Variants in KLB observed in about 807,000 individuals in gnomAD.
KLB encodes beta-klotho.
KLB carries 44 observed loss-of-function variants against 88.4 expected under a neutral mutation model. The ratio of observed to expected loss-of-function variants is 0.50; its 90% CI spans 0.39 to 0.64. The LOEUF is 0.64. Ranked by LOEUF, KLB falls within the 30% of genes least tolerant of loss-of-function variation. The probability of loss-of-function intolerance (pLI) is 0.00; values close to 1 mark genes in which losing one functional copy is unlikely to be tolerated. For synonymous variants in KLB, 548 were observed against 513.4 expected (o/e 1.07, Z -0.91); for missense variants, 1,137 against 1,304.8 (o/e 0.87, Z 1.98).
chr4:39,434,778 A>AG, intron 2 of KLB, 58 bp downstream of exon 2: 4 of 1,341,210 alleles, frequency 3.0e-6, no homozygotes, highest in Non-Finnish European at 4.1e-6. Context: ...GGATATTTAA[A>AG]GTCACCTTTG....
intron 1 of KLB, among the ~76,000 whole-genome samples, chr4:39,414,304 G>GAA (rs10582036): frequency 2.9e-5 from 4 of 137,688 alleles, no homozygotes; most frequent in African/African-American, 8.0e-5. Context: ...ACTGTTTTTA[G>GAA]AAAAAAAAAA....
rs1426260118 is a variant in KLB, at chr4:39,407,104, G to T, written c.155G>T (p.Gly52Val). ...SALILLRAVT[G>V]FSGDGRAIWS... ...CTTATTCTGCTACGAGCTGTTACTG[G>T]ATTCTCTGGAGATGGAAGAGCTATA... Residue 52 changes from glycine (G) to valine (V), a missense_variant, in exon 1 of 5, where the codon GGA (glycine) becomes GTA (valine). Around this residue, in one of 4 missense-constraint regions of KLB, gnomAD observed 111 missense variants for 118.3 expected, o/e 0.94. Coordinates refer to ENST00000257408, the MANE Select transcript of KLB (RefSeq NM_175737.4). The T allele has an allele frequency of 1.9e-6, 3 of 1,614,016 alleles. No homozygotes were observed. The African/African-American group carries it at 4.0e-5, about 22-fold the overall frequency.
At chr4:39,416,722 T>C (rs982350054) in intron 1 of KLB, among the ~76,000 whole-genome samples, 3 of 152,018 alleles carry the variant, frequency 2.0e-5, no homozygotes, top group Non-Finnish European at 2.9e-5. Context: ...AGAATTCAAG[T>C]TTAAAGCTAT....
intron 4 of KLB, 52 bp from the exon 5 acceptor site, chr4:39,448,249 A>G: frequency 2.2e-6 from 3 of 1,357,956 alleles, no homozygotes; most frequent in South Asian, 3.0e-5. Flanking sequence ...TTCTTCCTCA[A>G]AGATACTTCA....
intron 1 of KLB, among the ~76,000 whole-genome samples, chr4:39,408,246 T>C (rs1742769845): frequency 6.6e-6 from 1 of 152,200 alleles, no homozygotes; most frequent in South Asian, 2.1e-4. Flanking sequence ...AACTCATGCA[T>C]ATTAAATACA....
chr4:39,410,373 A>G (rs1742812320), intron 1 of KLB, among the ~76,000 whole-genome samples: 1 of 152,128 alleles, frequency 6.6e-6, no homozygotes, highest in Non-Finnish European at 1.5e-5. Context: ...GATAAATTTT[A>G]TTATTTTAAA....
At chr4:39,413,286 G>T (rs911081180) in intron 1 of KLB, among the ~76,000 whole-genome samples, 25 of 152,274 alleles carry the variant, frequency 1.6e-4, no homozygotes, top group Non-Finnish European at 2.6e-4. Flanking sequence ...ATAAATACAT[G>T]TAATAATTTA....
At position 39,407,018 on chromosome 4, in the gene KLB, C is replaced by T; in HGVS notation, c.69C>T (p.Thr23=). 6.2e-7 allele frequency: 1 copy of T among 1,614,100 alleles called. No homozygotes were observed. The highest frequency in any genetic ancestry group is 8.5e-7 in the Non-Finnish European group (1 of 1,179,992). ...TTTTCTTCAGCACTGATGAAATAAC[C>T]ACACGCTATAGGAATACAATGTCCA... ...EWIFFSTDEI[T]TRYRNTMSNG... is the part of the protein sequence containing the mutation. Residue 23 remains threonine, a synonymous_variant, in exon 1 of 5, where the codon ACC becomes ACT. Transcript: ENST00000257408.
intron 1 of KLB, among the ~76,000 whole-genome samples, chr4:39,413,726 GAAAA>G (rs200454222): frequency 1.4e-5 from 2 of 138,760 alleles, no homozygotes; most frequent in African/African-American, 5.2e-5. Flanking sequence ...CCTGTCTCAG[GAAAA>G]AAAAAAAATA....
chr4:39,448,566 C>A lies in KLB; in HGVS notation c.3015C>A (p.Phe1005Leu). The A allele has an allele frequency of 6.2e-7, 1 of 1,614,200 alleles. No homozygotes were observed. Among genetic ancestry groups the A allele is most frequent in the Non-Finnish European group, 8.5e-7 (1 of 1,180,038 alleles). ...TGATATTCCTGGGTTGTTGCTTCTT[C>A]TCCACCCTGGTTCTACTCTTATCAA... ...KPLIFLGCCFFSTLVLLLSIA... is the reference protein window; with the variant it reads ...KPLIFLGCCFLSTLVLLLSIA... The change falls in exon 5 of 5, where the codon TTC becomes TTA. Residue 1005 changes from phenylalanine to leucine, a missense_variant. By Grantham distance (22) the Phe-to-Leu change is conservative. Around this residue, in one of 4 missense-constraint regions of KLB, gnomAD observed 426 missense variants for 404.6 expected, o/e 1.05. Coordinates refer to ENST00000257408, the MANE Select transcript of KLB (RefSeq NM_175737.4).
Position 39,446,252 on chromosome 4 carries a change from T to C in KLB, c.1606-80T>C. On this transcript the variant is annotated intron_variant, in intron 3 of 4. Coordinates refer to ENST00000257408, the MANE Select transcript of KLB (RefSeq NM_175737.4). The surrounding 1 kb of genome is among the most constrained non-coding windows in gnomAD (Gnocchi z 6.4). ...CGTGGTGGCCTGTAATCCCAGCACTTTGGGAGGCAGAGGTAGGCAGATCAC... is the reference window on the plus strand; with the variant it reads ...CGTGGTGGCCTGTAATCCCAGCACTCTGGGAGGCAGAGGTAGGCAGATCAC... 2 of 1,329,322 alleles carry C rather than the reference T, an allele frequency of 1.5e-6. No individual in the cohort carries two copies. The highest frequency in any genetic ancestry group is 4.7e-5 in the East Asian group (2 of 42,720). The allele number at this position is 1,329,322 out of a possible 1,614,324, so 82.3% of individuals were successfully genotyped here.
chr4:39,448,740 T>C lies in KLB; in HGVS notation c.*54T>C. ...AAAAATTCATCCCAGTTCCATATGC[T>C]GGTAACTTACAGGAGATATACCTGT... On this transcript the variant is annotated 3_prime_UTR_variant, in exon 5 of 5. Transcript: ENST00000257408. 6.6e-7 allele frequency: 1 copy of C among 1,519,448 alleles called. No individual in the cohort carries two copies. The highest frequency in any genetic ancestry group is 8.9e-7 in the Non-Finnish European group (1 of 1,128,306). The allele number at this position is 1,519,448 out of a possible 1,614,324, so 94.1% of individuals were successfully genotyped here.
At chr4:39,442,440 T>G (rs1743629520) in intron 3 of KLB, among the ~76,000 whole-genome samples, 1 of 151,172 alleles carries the variant, frequency 6.6e-6, no homozygotes, top group South Asian at 2.1e-4. Context: ...CTCCCCTTTT[T>G]TTTTTTTTTT....
chr4:39,446,867 A>T lies in KLB; in HGVS notation c.2141A>T (p.Asn714Ile), dbSNP rs762482750. 7.9e-5 allele frequency: 127 copies of T among 1,610,162 alleles called. No homozygotes were observed. The highest frequency in any genetic ancestry group is 3.4e-6 in the Non-Finnish European group (4 of 1,179,892). ...AACGACACCTACGGGGCGGCGCACA[A>T]CCTGCTGGTGGCCCACGCCCTGGCC... The part of the protein sequence containing the change: ...SGNDTYGAAH[N>I]LLVAHALAWR... The change falls in exon 4 of 5, where the codon AAC becomes ATC. Residue 714 changes from asparagine to isoleucine, a missense_variant. Transcript: ENST00000257408. This position sits in a 1 kb window ranked among gnomAD's most constrained non-coding sequence, Gnocchi z 6.4.
rs999282756 is a variant in KLB, at chr4:39,449,316, T to C, written c.*630T>C. The C allele has an allele frequency of 3.0e-4, 37 of 124,956 alleles. No homozygotes were observed. Among genetic ancestry groups the C allele is most frequent in the African/African-American group, 1.1e-3 (36 of 33,428 alleles). 7.7% of individuals were successfully genotyped at this position (124,956 alleles called of 1,614,324 possible). ...AGCCTAGGCGACAACAGCAAGACTG[T>C]GTCCAAAAAAAAAAAAAAAAGCAAA... On this transcript the variant is annotated 3_prime_UTR_variant, in exon 5 of 5. Coordinates refer to ENST00000257408, the MANE Select transcript of KLB (RefSeq NM_175737.4).
At position 39,406,945 on chromosome 4, in the gene KLB, G is replaced by A. The variant is rs368735550; in HGVS notation, c.-5G>A. On this transcript the variant is annotated 5_prime_UTR_variant, in exon 1 of 5. Coordinates refer to ENST00000257408, the MANE Select transcript of KLB (RefSeq NM_175737.4). ...TTGATAAGACAGTCCAGCAGTTGGT[G>A]GCAAATGAAGCCAGGCTGTGCGGCA... 1.1e-5 allele frequency: 17 copies of A among 1,600,372 alleles called. No homozygotes were observed. The highest frequency in any genetic ancestry group is 1.7e-5 in the Admixed American group (1 of 59,016).
chr4:39,432,085 GA>G (rs1202883915), intron 1 of KLB, among the ~76,000 whole-genome samples: 2 of 152,054 alleles, frequency 1.3e-5, no homozygotes, highest in African/African-American at 4.8e-5. Flanking sequence ...TCAGGAGTTC[GA>G]GACCAGCCTG....
chr4:39,422,046 G>A (rs547257048), intron 1 of KLB, among the ~76,000 whole-genome samples: 6 of 152,134 alleles, frequency 3.9e-5, no homozygotes, highest in East Asian at 1.9e-4. Context: ...ACGCCCGGCC[G>A]CCTCTGAGTG....
In KLB at chr4:39,446,424, G is replaced by C. The variant is rs763738252; in HGVS notation, c.1698G>C (p.Gly566=). ...ACAGACTGTTGCACCGAGTGGAAGG[G>C]GTGAGGCTGAAAACACGACCCGCTC... ...TGNRLLHRVE[G]VRLKTRPAQC... Residue 566 remains glycine, a synonymous_variant, in exon 4 of 5, where the codon GGG becomes GGC. Coordinates refer to ENST00000257408, the MANE Select transcript of KLB (RefSeq NM_175737.4). The surrounding 1 kb of genome is among the most constrained non-coding windows in gnomAD (Gnocchi z 6.4). 6.2e-7 allele frequency: 1 copy of C among 1,614,172 alleles called. No homozygotes were observed. The highest frequency in any genetic ancestry group is 1.7e-5 in the Admixed American group (1 of 60,024).
Sources: gnomAD v4.1 joint callset for allele counts (sites outside exome capture counted in the v4.1 genomes callset) on GRCh38, gnomAD v4.1.1 for gene constraint, gnomAD v4.1.1 regional missense constraint, Gnocchi (gnomAD v3.1) non-coding constraint, MANE v1.5 for transcripts, NCBI Gene and HGNC (gene_info 2026-07-23, HGNC 2026-07-21) for gene names.